Variants in DNER observed in about 807,000 individuals in gnomAD.
The protein encoded by DNER is delta and Notch-like epidermal growth factor-related receptor.
DNER carries 33 observed loss-of-function variants against 78.2 expected under a neutral mutation model. The observed-to-expected ratio is 0.42, with a 90% CI of 0.32 to 0.56. DNER has a LOEUF of 0.56. DNER is among the 20% of genes least tolerant of loss of function. The pLI, the probability that DNER is intolerant of heterozygous loss-of-function variation, is 0.11. For synonymous variants in DNER, 417 were observed against 384.8 expected (o/e 1.08, Z -0.98); for missense variants, 918 against 975.3 (o/e 0.94, Z 0.78).
chr2:229,596,075 G>A lies in DNER; in HGVS notation c.277-4187C>T, dbSNP rs545588968. 1.3e-3 allele frequency among the ~76,000 whole-genome samples: 195 copies of A among 151,866 alleles called. 1 individual carries two copies. Among genetic ancestry groups the A allele is most frequent in the Non-Finnish European group, 2.4e-3 (164 of 67,984 alleles). ...TTTTTCTTTCCCCACTAGAATGTAGGCTTTTTGAGGTCCAATTTCTGTTTT... is the reference window on the plus strand; with the variant it reads ...TTTTTCTTTCCCCACTAGAATGTAGACTTTTTGAGGTCCAATTTCTGTTTT... On this transcript the variant is annotated intron_variant, in intron 1 of 12. Transcript: ENST00000341772.
intron 1 of DNER, among the ~76,000 whole-genome samples, chr2:229,630,188 C>T (rs968160270): frequency 3.9e-5 from 6 of 152,000 alleles, no homozygotes; most frequent in Admixed American, 1.3e-4. Flanking sequence ...AAAATAAAAC[C>T]TTCTGGGCCA....
intron 4 of DNER, among the ~76,000 whole-genome samples, chr2:229,574,209 C>A (rs1220830737): frequency 6.6e-6 from 1 of 152,062 alleles, no homozygotes; most frequent in African/African-American, 2.4e-5. Flanking sequence ...AATATACAAA[C>A]CCTTTGATCC....
chr2:229,678,102 A>G (rs941472496), intron 1 of DNER, among the ~76,000 whole-genome samples: 1 of 152,222 alleles, frequency 6.6e-6, no homozygotes, highest in Non-Finnish European at 1.5e-5. Flanking sequence ...CATATGTCAA[A>G]ACTCATGCAT....
intron 6 of DNER, among the ~76,000 whole-genome samples, chr2:229,484,024 C>T (rs1451923755): frequency 6.6e-6 from 1 of 151,928 alleles, no homozygotes; most frequent in African/African-American, 2.4e-5. Context: ...AGAACATAAA[C>T]TCCCTGAGAA....
At chr2:229,482,873 C>T (rs1178246833) in intron 6 of DNER, among the ~76,000 whole-genome samples, 1 of 152,058 alleles carries the variant, frequency 6.6e-6, no homozygotes, top group Non-Finnish European at 1.5e-5. Flanking sequence ...GGTATCAAAG[C>T]TTTAAAGTTA....
chr2:229,689,832 G>T (rs1025598905), intron 1 of DNER, among the ~76,000 whole-genome samples: 26 of 152,278 alleles, frequency 1.7e-4, no homozygotes, highest in African/African-American at 6.0e-4. Context: ...AAGGTGGTTT[G>T]CCCAGGGTTT....
chr2:229,574,954 T>G (rs879513603), intron 4 of DNER, among the ~76,000 whole-genome samples: 5 of 151,938 alleles, frequency 3.3e-5, no homozygotes, highest in Admixed American at 3.3e-4. Context: ...CCCGAGAAAG[T>G]TTGTCTCTAA....
At position 229,388,340 on chromosome 2, in the gene DNER, C is replaced by T. The variant is rs1692944060; in HGVS notation, c.1780G>A (p.Gly594Arg). The T allele has an allele frequency of 6.2e-7, 1 of 1,611,822 alleles. No homozygotes were observed. Among genetic ancestry groups the T allele is most frequent in the African/African-American group, 1.3e-5 (1 of 74,680 alleles). ...ECDSNPCHHGGSCLDQPNGYN... is the reference protein window; with the variant it reads ...ECDSNPCHHGRSCLDQPNGYN... ...CCATTGGGCTGGTCCAGGCAGCTCC[C>T]ACCATGGTGGCAGGGGTTACTGTCA... The change falls in exon 11 of 13, where the codon GGG (glycine) becomes AGG (arginine). Residue 594 changes from glycine (G) to arginine (R), a missense_variant. Gly to Arg is a moderately radical substitution (Grantham distance 125, BLOSUM62 -2). Transcript: ENST00000341772.
intron 1 of DNER, among the ~76,000 whole-genome samples, chr2:229,684,194 G>GTGTA (rs1699445195): frequency 6.6e-6 from 1 of 150,950 alleles, no homozygotes; most frequent in African/African-American, 2.4e-5. Flanking sequence ...GTGTGTGTGT[G>GTGTA]TGTGTGTGTG....
intron 4 of DNER, among the ~76,000 whole-genome samples, chr2:229,581,917 T>C (rs1359902183): frequency 6.6e-6 from 1 of 152,118 alleles, no homozygotes; most frequent in Non-Finnish European, 1.5e-5. Context: ...GAATTTAAGA[T>C]TTGTGGTCCT....
At chr2:229,605,040 A>T (rs116697510) in intron 1 of DNER, among the ~76,000 whole-genome samples, 1,532 of 152,314 alleles carry the variant, frequency 0.01, 12 homozygotes, top group Non-Finnish European at 0.017. Flanking sequence ...ATCTGCTCAA[A>T]GGCCAGGGTT....
chr2:229,389,431 C>G (rs1692969206), intron 10 of DNER, among the ~76,000 whole-genome samples: 1 of 152,014 alleles, frequency 6.6e-6, no homozygotes, highest in Non-Finnish European at 1.5e-5. Flanking sequence ...GAGGCACTCC[C>G]TCTGTCAAAA....
intron 1 of DNER, among the ~76,000 whole-genome samples, chr2:229,702,667 C>T (rs1218841107): frequency 2.0e-5 from 3 of 152,050 alleles, no homozygotes; most frequent in Admixed American, 1.3e-4. Context: ...CCTGTAATCC[C>T]AGCACTTTGG....
intron 4 of DNER, among the ~76,000 whole-genome samples, chr2:229,582,451 C>T (rs539191953): frequency 2.0e-5 from 3 of 151,808 alleles, no homozygotes; most frequent in Non-Finnish European, 4.4e-5. Context: ...ACCAAAAGAT[C>T]GTGATCTCCT....
At chr2:229,588,324 C>T (rs72987944) in intron 3 of DNER, 70 bp downstream of exon 3, 19,480 of 1,445,164 alleles carry the variant, frequency 0.013, 166 homozygotes, top group Non-Finnish European at 0.016. Context: ...ACCAGGTCCG[C>T]GGATGGACAC....
chr2:229,561,431 A>G (rs1211689976), intron 4 of DNER, among the ~76,000 whole-genome samples: 1 of 152,216 alleles, frequency 6.6e-6, no homozygotes, highest in African/African-American at 2.4e-5. Context: ...TGTCAAATAT[A>G]GCAATCCTTA....
chr2:229,442,420 C>G (rs1157215808), intron 8 of DNER, among the ~76,000 whole-genome samples: 2 of 151,764 alleles, frequency 1.3e-5, no homozygotes, highest in Non-Finnish European at 2.9e-5. Flanking sequence ...GAGGCTGAGG[C>G]AGGAGAATGG....
At chr2:229,706,253 A>G (rs1699824339) in intron 1 of DNER, among the ~76,000 whole-genome samples, 1 of 152,188 alleles carries the variant, frequency 6.6e-6, no homozygotes, top group Non-Finnish European at 1.5e-5. Context: ...CAAGGGCCAT[A>G]TAATAAGTAT....
At chr2:229,553,195 G>C (rs1203824338) in intron 4 of DNER, among the ~76,000 whole-genome samples, 1 of 152,208 alleles carries the variant, frequency 6.6e-6, no homozygotes, top group African/African-American at 2.4e-5. Context: ...GATTCCTGGA[G>C]ATCCCTTTAG....
Sources: gnomAD v4.1 joint callset for allele counts (sites outside exome capture counted in the v4.1 genomes callset) on GRCh38, gnomAD v4.1.1 for gene constraint, MANE v1.5 for transcripts, NCBI Gene and HGNC (gene_info 2026-07-23, HGNC 2026-07-21) for gene names.